The following SLC6A14 variants were observed in gnomAD, a reference collection of about 807,000 sequenced individuals.
SLC6A14 encodes solute carrier family 6 member 14.
A neutral mutation model predicts 51.4 loss-of-function variants in SLC6A14; 21 were observed. The observed-to-expected ratio is 0.41, with a 90% confidence interval of 0.29 to 0.59. SLC6A14 has a LOEUF of 0.59. Among genes scored for constraint, SLC6A14 ranks in the 20% least tolerant of loss-of-function variants. SLC6A14 has a pLI of 0.31. For missense variants in SLC6A14, 371 were observed against 472.8 expected (o/e 0.78, Z 2.00); for synonymous variants, 177 against 160.7 (o/e 1.10, Z -0.77).
intron 6 of SLC6A14, among the ~76,000 whole-genome samples, chrX:116,445,315 T>C (rs1338038830): frequency 9.1e-6 from 1 of 110,107 alleles, no homozygotes; most frequent in Admixed American, 9.8e-5. Flanking sequence ...GATAGAGCAT[T>C]CTGAAGCTTA....
Position 116,436,664 on chromosome X carries a change from C to G in SLC6A14, c.-46C>G. 8.7e-7 allele frequency: 1 copy of G among 1,143,279 alleles called. No individual in the cohort carries two copies. The highest frequency in any genetic ancestry group is 1.2e-6 in the Non-Finnish European group (1 of 854,828). 94.2% of individuals were successfully genotyped at this position (1,143,279 alleles called of 1,213,427 possible). ...GCACCTGCTACCAGTCAAGCTCAGCCAGACTGCAAGAGGAGGCGAGGCGGA... is the reference window on the plus strand; with the variant it reads ...GCACCTGCTACCAGTCAAGCTCAGCGAGACTGCAAGAGGAGGCGAGGCGGA... On this transcript the variant is annotated 5_prime_UTR_variant, in exon 1 of 14. Coordinates refer to ENST00000598581, the MANE Select transcript of SLC6A14 (RefSeq NM_007231.5).
At chrX:116,443,018 T>A (rs1927630546) in intron 4 of SLC6A14, among the ~76,000 whole-genome samples, 170 bp downstream of exon 4, 1 of 111,320 alleles carries the variant, frequency 9.0e-6, no homozygotes, top group Admixed American at 9.6e-5. Flanking sequence ...AATGTATTAA[T>A]CTCTGAGAGC....
chrX:116,447,591 C>CTTTTTTT (rs782273399), intron 7 of SLC6A14, among the ~76,000 whole-genome samples: 5 of 91,939 alleles, frequency 5.4e-5, no homozygotes, highest in Non-Finnish European at 6.4e-5. Flanking sequence ...GCTTTCACTT[C>CTTTTTTT]TTTTTTTTTT....
At chrX:116,449,970 A>C (rs1277946173) in intron 7 of SLC6A14, among the ~76,000 whole-genome samples, 7 of 112,189 alleles carry the variant, frequency 6.2e-5, no homozygotes, top group African/African-American at 2.3e-4. Context: ...CACATATCAC[A>C]TATATTGATA....
chrX:116,449,533 A>G (rs1190852209), intron 7 of SLC6A14, among the ~76,000 whole-genome samples: 2 of 112,235 alleles, frequency 1.8e-5, no homozygotes, highest in Non-Finnish European at 3.8e-5. Context: ...TCTAAAATAT[A>G]AGTGAAATAA....
chrX:116,455,176 T>A, intron 11 of SLC6A14, 100 bp downstream of exon 11: 1 of 628,856 alleles, frequency 1.6e-6, no homozygotes, highest in Non-Finnish European at 2.5e-6. Flanking sequence ...ATTTTTATAC[T>A]ATTATAATAG....
rs139069747 is a variant in SLC6A14, at chrX:116,454,435, T to C, written c.1397T>C (p.Val466Ala). ...LVLFLLGLVC[V>A]TQAGIYWVHL... is the part of the protein sequence containing the mutation. ...TTGTTTCTCCTTGGTCTCGTCTGTG[T>C]GACTCAGGTATACTACAGCATTTTT... Residue 466 changes from valine to alanine, a missense_variant, in exon 10 of 14, where the codon GTG becomes GCG. Physicochemically the swap from Val to Ala is moderately conservative, Grantham distance 64 (BLOSUM62 0). Around this residue, in one of 2 missense-constraint regions of SLC6A14, gnomAD observed 277 missense variants for 391.8 expected, o/e 0.71. Coordinates refer to ENST00000598581, the MANE Select transcript of SLC6A14 (RefSeq NM_007231.5). 41 of 1,129,307 alleles carry C rather than the reference T, an allele frequency of 3.6e-5. No individual in the cohort carries two copies. In the African/African-American group the frequency reaches 6.9e-4, roughly 19 times the overall value. The allele number at this position is 1,129,307 out of a possible 1,213,427, so 93.1% of individuals were successfully genotyped here.
At chrX:116,453,399 T>G (rs146712032) in intron 9 of SLC6A14, among the ~76,000 whole-genome samples, 5,012 of 75,480 alleles carry the variant, frequency 0.066, 111 homozygotes, top group South Asian at 0.2. Flanking sequence ...TTTGAAGTCC[T>G]CTTTCTTTTC....
chrX:116,447,887 G>A (rs781989019), intron 7 of SLC6A14, among the ~76,000 whole-genome samples: 1 of 111,491 alleles, frequency 9.0e-6, no homozygotes, highest in South Asian at 3.8e-4. Context: ...GTGAGCCACC[G>A]CACCTGGCCC....
intron 8 of SLC6A14, among the ~76,000 whole-genome samples, chrX:116,452,507 G>T (rs1220348008): frequency 1.8e-5 from 2 of 111,743 alleles, no homozygotes; most frequent in East Asian, 5.6e-4. Context: ...TGGAAAACAA[G>T]ATTTAATTTA....
intron 2 of SLC6A14, among the ~76,000 whole-genome samples, chrX:116,438,327 T>C (rs1382141682): frequency 3.6e-5 from 4 of 112,150 alleles, no homozygotes; most frequent in African/African-American, 1.3e-4. Context: ...TATAGCTGAA[T>C]CAGAAATAAA....
At chrX:116,445,102 G>T (rs782204954) in intron 6 of SLC6A14, 52 bp downstream of exon 6, 18 of 1,082,420 alleles carry the variant, frequency 1.7e-5, no homozygotes, top group Non-Finnish European at 2.1e-5. Flanking sequence ...CAATTTCATG[G>T]TAGTTCAATA....
rs782168785 is a variant in SLC6A14 at position 116,446,017 on chromosome X, T to C, written c.790-724T>C. ...TTGATGTTAATATTGAAAGAGTCCA[T>C]TAAAGGCCATTTACCCAGGCGATTA... On this transcript the variant is annotated intron_variant, in intron 6 of 13. Coordinates refer to ENST00000598581, the MANE Select transcript of SLC6A14 (RefSeq NM_007231.5). Among the ~76,000 whole-genome samples, 20 of 106,413 alleles carry C rather than the reference T, an allele frequency of 1.9e-4. No homozygotes were observed. The South Asian group carries it at 7.8e-3, about 41-fold the overall frequency. The allele number at this position is 106,413 out of a possible 115,157, so 92.4% of individuals were successfully genotyped here. A position where few individuals can be genotyped will look rare whatever the true frequency, so the allele number is the denominator to read the frequency against.
chrX:116,445,718 C>G (rs1179517114), intron 6 of SLC6A14, among the ~76,000 whole-genome samples: 1 of 111,329 alleles, frequency 9.0e-6, no homozygotes, highest in African/African-American at 3.3e-5. Flanking sequence ...TTTAAGAAAA[C>G]AACATGAAAT....
At chrX:116,457,938 A>G (rs781911623) in intron 13 of SLC6A14, among the ~76,000 whole-genome samples, 162 bp downstream of exon 13, 8 of 111,655 alleles carry the variant, frequency 7.2e-5, no homozygotes, top group Non-Finnish European at 1.3e-4. Flanking sequence ...TTACTAGTGC[A>G]CAACATGGTA....
At chrX:116,440,821 A>G in intron 2 of SLC6A14, 145 bp from the exon 3 acceptor site, 1 of 538,195 alleles carries the variant, frequency 1.9e-6, no homozygotes, top group Non-Finnish European at 3.0e-6. Flanking sequence ...CTACTTATTC[A>G]TAGAAAGCAG....
chrX:116,456,496 C>A (rs1313275217), intron 12 of SLC6A14, among the ~76,000 whole-genome samples: 1 of 110,657 alleles, frequency 9.0e-6, no homozygotes, highest in Non-Finnish European at 1.9e-5. Flanking sequence ...AAAGTAAGCC[C>A]CCTTGTCAAC....
chrX:116,445,349 T>A (rs782026118), intron 6 of SLC6A14, among the ~76,000 whole-genome samples: 1 of 109,277 alleles, frequency 9.2e-6, no homozygotes, highest in South Asian at 4.0e-4. Context: ...AAATTTTCTA[T>A]CCTACTATAT....
rs782254925 is a variant in SLC6A14, at chrX:116,458,822, G to A, written c.1796G>A (p.Cys599Tyr). ...CTTGCATTTCAGCGCCTTATAAGTTGCTGCAGACCAGCTTCTAACTGGGGT... is the reference window on the plus strand; with the variant it reads ...CTTGCATTTCAGCGCCTTATAAGTTACTGCAGACCAGCTTCTAACTGGGGT... ...KGNIFQRLISCCRPASNWGPY... is the reference protein window; with the variant it reads ...KGNIFQRLISYCRPASNWGPY... Residue 599 changes from cysteine (C) to tyrosine (Y), a missense_variant, in exon 14 of 14, where the codon TGC (cysteine) becomes TAC (tyrosine). Physicochemically the swap from Cys to Tyr is radical, Grantham distance 194. Coordinates refer to ENST00000598581, the MANE Select transcript of SLC6A14 (RefSeq NM_007231.5). 1 of 1,185,586 alleles carries A rather than the reference G, an allele frequency of 8.4e-7. No homozygotes were observed. Among genetic ancestry groups the A allele is most frequent in the Admixed American group, 2.4e-5 (1 of 41,899 alleles).
Sources: gnomAD v4.1 joint callset for allele counts (sites outside exome capture counted in the v4.1 genomes callset) on GRCh38, gnomAD v4.1.1 for gene constraint, gnomAD v4.1.1 regional missense constraint, MANE v1.5 for transcripts, NCBI Gene and HGNC (gene_info 2026-07-23, HGNC 2026-07-21) for gene names.